MCU: variants seen among roughly 807,000 people sequenced by gnomAD.
MCU encodes mitochondrial calcium uniporter.
Under a neutral mutation model 45.2 loss-of-function variants are expected in MCU, and 12 were observed. The observed-to-expected ratio is 0.27, with a 90% confidence interval of 0.17 to 0.43. MCU has a LOEUF of 0.43. Among genes scored for constraint, MCU ranks in the 20% least tolerant of loss-of-function variants. MCU has a pLI of 1.00. For missense variants in MCU, 324 were observed against 436.7 expected (o/e 0.74, Z 2.30); for synonymous variants, 160 against 165.1 (o/e 0.97, Z 0.24).
At chr10:72,703,600 C>T (rs1355494791) in intron 1 of MCU, among the ~76,000 whole-genome samples, 1 of 152,074 alleles carries the variant, frequency 6.6e-6, no homozygotes, top group East Asian at 1.9e-4. Flanking sequence ...GTGCATTGTA[C>T]ACACATAAAA....
intron 1 of MCU, among the ~76,000 whole-genome samples, chr10:72,803,685 C>A (rs1844375424): frequency 6.6e-6 from 1 of 151,658 alleles, no homozygotes; most frequent in Non-Finnish European, 1.5e-5. Flanking sequence ...CATCAGTTAC[C>A]AACACATAGC....
At chr10:72,751,338 CTTCTTTTTTTTTTTTTTT>C (rs1564546670) in intron 1 of MCU, among the ~76,000 whole-genome samples, 1 of 55,400 alleles carries the variant, frequency 1.8e-5, no homozygotes, top group Non-Finnish European at 3.9e-5. Context: ...TCTTCTTCTT[CTTCTTTTTTTTTTTTTTT>C]TTTTTTTTTT....
chr10:72,701,435 C>T (rs1192964349), intron 1 of MCU, among the ~76,000 whole-genome samples: 1 of 152,100 alleles, frequency 6.6e-6, no homozygotes, highest in East Asian at 1.9e-4. Flanking sequence ...TGTGGGTCAT[C>T]CTTCCTTTTC....
At chr10:72,812,348 G>C (rs1183223562) in intron 1 of MCU, among the ~76,000 whole-genome samples, 1 of 152,008 alleles carries the variant, frequency 6.6e-6, no homozygotes, top group East Asian at 1.9e-4. Flanking sequence ...GTTTCACCAT[G>C]TTGGCCAGGC....
At chr10:72,837,595 A>G in intron 2 of MCU, among the ~76,000 whole-genome samples, 1 of 152,212 alleles carries the variant, frequency 6.6e-6, no homozygotes, top group Non-Finnish European at 1.5e-5. Context: ...TGGTAGTGCT[A>G]AAGACCTCAA....
chr10:72,881,442 T>C (rs1845699373), intron 6 of MCU, among the ~76,000 whole-genome samples: 1 of 152,138 alleles, frequency 6.6e-6, no homozygotes, highest in Non-Finnish European at 1.5e-5. Flanking sequence ...TAATCACAGC[T>C]ACTTGGGAGG....
chr10:72,735,475 T>G (rs1461191599), intron 1 of MCU, among the ~76,000 whole-genome samples: 1 of 152,206 alleles, frequency 6.6e-6, no homozygotes, highest in Non-Finnish European at 1.5e-5. Flanking sequence ...GAGTCCACAG[T>G]ATTATCTGGG....
At chr10:72,876,093 G>T (rs1046199275) in intron 6 of MCU, among the ~76,000 whole-genome samples, 3 of 152,152 alleles carry the variant, frequency 2.0e-5, no homozygotes, top group Non-Finnish European at 4.4e-5. Context: ...TAGTGACCTA[G>T]CCTTTAATAC....
chr10:72,830,752 A>G (rs1472253085), intron 1 of MCU, among the ~76,000 whole-genome samples: 2 of 152,204 alleles, frequency 1.3e-5, no homozygotes, highest in African/African-American at 4.8e-5. Context: ...AACACTAATT[A>G]TATAAAGGAA....
intron 1 of MCU, among the ~76,000 whole-genome samples, chr10:72,720,549 C>T (rs1843007759): frequency 1.3e-5 from 2 of 152,170 alleles, no homozygotes; most frequent in African/African-American, 4.8e-5. Context: ...TCACTCTATC[C>T]ATCCTTCAAG....
chr10:72,882,166 G>T (rs1287462653), intron 6 of MCU, among the ~76,000 whole-genome samples: 1 of 152,132 alleles, frequency 6.6e-6, no homozygotes, highest in Non-Finnish European at 1.5e-5. Context: ...TCCTCTGCCT[G>T]TCTTTACTTT....
At chr10:72,734,731 T>A (rs1843228411) in intron 1 of MCU, among the ~76,000 whole-genome samples, 1 of 151,910 alleles carries the variant, frequency 6.6e-6, no homozygotes, top group Non-Finnish European at 1.5e-5. Flanking sequence ...CTCCCACCTC[T>A]GCCTCCCAAG....
intron 1 of MCU, among the ~76,000 whole-genome samples, chr10:72,695,140 T>TGTGAG (rs1245897534): frequency 6.6e-6 from 1 of 152,186 alleles, no homozygotes; most frequent in East Asian, 1.9e-4. Flanking sequence ...GCTGTGTAAT[T>TGTGAG]CCATTGCTAA....
intron 2 of MCU, among the ~76,000 whole-genome samples, chr10:72,836,575 A>G (rs1844959130): frequency 6.6e-6 from 1 of 152,082 alleles, no homozygotes; most frequent in South Asian, 2.1e-4. Context: ...GTTAGGCCAG[A>G]TGTTATCAGA....
chr10:72,803,761 T>C (rs1340717001), intron 1 of MCU, among the ~76,000 whole-genome samples: 1 of 151,812 alleles, frequency 6.6e-6, no homozygotes, highest in Non-Finnish European at 1.5e-5. Flanking sequence ...GATTGTTTTA[T>C]GGAAATTATT....
Position 72,884,278 on chromosome 10 carries a change from C to T in MCU, c.874C>T (p.Pro292Ser), listed in dbSNP as rs1845747269. Reference protein sequence around the residue: ...FVMTRQEYVYPEARDRQYLLF... With the variant: ...FVMTRQEYVYSEARDRQYLLF... The stretch of plus-strand genomic sequence containing the variant: ...TTCATTTTTTTAGGAATATGTTTAT[C>T]CAGAAGCCAGAGACAGACAATACTT... The change falls in exon 7 of 8, where the codon CCA becomes TCA. Residue 292 changes from proline to serine, a missense_variant. Around this residue, in one of 4 missense-constraint regions of MCU, gnomAD observed 76 missense variants for 99.4 expected, o/e 0.76. Transcript: ENST00000373053. 2.5e-6 allele frequency: 4 copies of T among 1,600,640 alleles called. No individual in the cohort carries two copies. Among genetic ancestry groups the T allele is most frequent in the Admixed American group, 1.7e-5 (1 of 59,870 alleles).
intron 1 of MCU, among the ~76,000 whole-genome samples, chr10:72,742,789 C>T (rs1249626235): frequency 6.6e-6 from 1 of 152,104 alleles, no homozygotes; most frequent in Non-Finnish European, 1.5e-5. Context: ...AGACAGAAAA[C>T]ACCAGGGAAC....
chr10:72,698,661 C>T (rs770413885), intron 1 of MCU, among the ~76,000 whole-genome samples: 55 of 152,304 alleles, frequency 3.6e-4, no homozygotes, highest in African/African-American at 1.1e-3. Context: ...CGCGCCACCA[C>T]GCCCAGCCAA....
At chr10:72,755,395 G>A (rs1222073192) in intron 1 of MCU, among the ~76,000 whole-genome samples, 1 of 152,144 alleles carries the variant, frequency 6.6e-6, no homozygotes, top group Non-Finnish European at 1.5e-5. Context: ...TGACCCACCC[G>A]CCTTGGCCTC....
Sources: gnomAD v4.1 joint callset for allele counts (sites outside exome capture counted in the v4.1 genomes callset) on GRCh38, gnomAD v4.1.1 for gene constraint, gnomAD v4.1.1 regional missense constraint, MANE v1.5 for transcripts, NCBI Gene and HGNC (gene_info 2026-07-23, HGNC 2026-07-21) for gene names.